The following GPR141 variants were observed in gnomAD, a reference collection of about 807,000 sequenced individuals.
GPR141 encodes probable G protein-coupled receptor 141.
A neutral mutation model predicts 6.8 loss-of-function variants in GPR141; 6 were observed. The ratio of observed to expected loss-of-function variants is 0.88; its 90% CI spans 0.48 to 1.74. The LOEUF (loss-of-function observed/expected upper bound fraction) is 1.74. Ranked by LOEUF, GPR141 falls within the 40% of genes most tolerant of loss-of-function variation. The pLI is 0.01. For missense variants in GPR141, 372 were observed against 372.9 expected, an observed-to-expected ratio of 1.00 and a Z score of 0.02; for synonymous variants, 140 against 142.3, an observed-to-expected ratio of 0.98 and a Z score of 0.11.
chr7:37,701,898 C>T (rs1015487107), intron 2 of GPR141, among the ~76,000 whole-genome samples: 1 of 152,152 alleles, frequency 6.6e-6, no homozygotes, highest in Non-Finnish European at 1.5e-5. Flanking sequence ...CTTTTTTCCT[C>T]TCAAACTTAT....
At position 37,742,076 on chromosome 7, in the gene GPR141, T is replaced by G. The variant is rs1166243082; in HGVS notation, c.*765T>G. On this transcript the variant is annotated 3_prime_UTR_variant, in exon 3 of 3. Coordinates refer to ENST00000334425, the MANE Select transcript of GPR141 (RefSeq NM_001381946.1). ...TAATTTAGAGACTATCCCTGACTAA[T>G]GTGCTGGTAGGCATTAAAATGAGTT... 6.6e-6 allele frequency among the ~76,000 whole-genome samples: 1 copy of G among 152,152 alleles called. No individual in the cohort carries two copies. Among genetic ancestry groups the G allele is most frequent in the Non-Finnish European group, 1.5e-5 (1 of 68,020 alleles).
rs1327157319 is a variant in GPR141 at position 37,687,748 on chromosome 7, C to T, written c.-15+2165C>T. Among the ~76,000 whole-genome samples the T allele has an allele frequency of 2.0e-5, 3 of 152,080 alleles. No individual in the cohort carries two copies. In the East Asian group the frequency reaches 5.8e-4, roughly 29 times the overall value. ...TGTTCTACAAATTCAAGACTGGTAG[C>T]ACACACTCCTCTCGCTTCGACTGCT... On this transcript the variant is annotated intron_variant, in intron 2 of 2. Transcript: ENST00000334425.
chr7:37,728,957 A>G (rs931992964), intron 2 of GPR141, among the ~76,000 whole-genome samples: 1 of 152,178 alleles, frequency 6.6e-6, no homozygotes, highest in African/African-American at 2.4e-5. Context: ...GAAATCATTG[A>G]TGATGCAATT....
At chr7:37,703,614 T>C (rs1480214025) in intron 2 of GPR141, among the ~76,000 whole-genome samples, 1 of 152,186 alleles carries the variant, frequency 6.6e-6, no homozygotes. Flanking sequence ...CTTTAACTCT[T>C]AGTTGGTATA....
intron 2 of GPR141, among the ~76,000 whole-genome samples, chr7:37,693,727 G>T (rs58086680): frequency 5.9e-4 from 89 of 151,944 alleles, no homozygotes; most frequent in Middle Eastern, 3.4e-3. Context: ...TCTACTCCCT[G>T]GGAAGAGGGG....
chr7:37,694,154 A>G (rs1312883518), intron 2 of GPR141, among the ~76,000 whole-genome samples: 2 of 152,228 alleles, frequency 1.3e-5, no homozygotes, highest in African/African-American at 4.8e-5. Context: ...CTGGGATGTC[A>G]GGCATAGCTT....
Position 37,700,781 on chromosome 7 carries a change from A to C in GPR141, c.-15+15198A>C, listed in dbSNP as rs532773425. On this transcript the variant is annotated intron_variant, in intron 2 of 2. Transcript: ENST00000334425. Reference sequence around the variant, plus strand: ...ATATTTCTATGGATAAATATGGAAGATATCCCAACATTATCACAAGTATAT... The same window carrying C: ...ATATTTCTATGGATAAATATGGAAGCTATCCCAACATTATCACAAGTATAT... Among the ~76,000 whole-genome samples the C allele has an allele frequency of 2.3e-4, 35 of 152,326 alleles. No homozygotes were observed. In the South Asian group the frequency reaches 7.2e-3, roughly 32 times the overall value.
At chr7:37,704,042 CT>C (rs1346684796) in intron 2 of GPR141, among the ~76,000 whole-genome samples, 2 of 152,134 alleles carry the variant, frequency 1.3e-5, no homozygotes, top group Non-Finnish European at 2.9e-5. Flanking sequence ...CCCAGAAACC[CT>C]GGGCCATTTC....
chr7:37,741,422 C>G lies in GPR141; in HGVS notation c.*111C>G. ...TGATCAAAACCATGCCTTGATGTAC[C>G]CAAAACAAAAGGACTATAAAATGCA... On this transcript the variant is annotated 3_prime_UTR_variant, in exon 3 of 3. Coordinates refer to ENST00000334425, the MANE Select transcript of GPR141 (RefSeq NM_001381946.1). 1 of 798,184 alleles carries G rather than the reference C, an allele frequency of 1.3e-6. No homozygotes were observed. The highest frequency in any genetic ancestry group is 1.9e-5 in the South Asian group (1 of 52,664). 49.4% of individuals were successfully genotyped at this position (798,184 alleles called of 1,614,324 possible).
intron 2 of GPR141, among the ~76,000 whole-genome samples, chr7:37,714,662 A>G (rs1299050281): frequency 9.2e-5 from 14 of 152,190 alleles, no homozygotes; most frequent in Non-Finnish European, 1.9e-4. Flanking sequence ...GCCAATTGAA[A>G]TTTCTTCCCT....
At chr7:37,696,739 T>A (rs1810032636) in intron 2 of GPR141, among the ~76,000 whole-genome samples, 1 of 152,138 alleles carries the variant, frequency 6.6e-6, no homozygotes, top group Non-Finnish European at 1.5e-5. Context: ...GTCTTTATGC[T>A]ATGTGATGGC....
intron 2 of GPR141, among the ~76,000 whole-genome samples, chr7:37,717,583 C>G (rs73344297): frequency 3.3e-5 from 5 of 152,242 alleles, no homozygotes; most frequent in South Asian, 2.1e-4. Context: ...TCTCTCACCC[C>G]CCTTGTTGTG....
chr7:37,687,053 T>C (rs527270100), intron 2 of GPR141, among the ~76,000 whole-genome samples: 2 of 152,202 alleles, frequency 1.3e-5, no homozygotes, highest in African/African-American at 4.8e-5. Context: ...AAGTCAAGTC[T>C]GGTAGAATTT....
In GPR141 at chr7:37,740,567, G is replaced by T; in HGVS notation, c.174G>T (p.Leu58Phe). 4 of 1,614,084 alleles carry T rather than the reference G, an allele frequency of 2.5e-6. No individual in the cohort carries two copies. The highest frequency in any genetic ancestry group is 3.4e-6 in the Non-Finnish European group (4 of 1,179,982). ...TGACCACCATGGCGGTCATTAACTT[G>T]GTGGTGGTCCACAGCGTTTTTCTGC... ...RSVTTMAVIN[L>F]VVVHSVFLLT... Residue 58 changes from leucine to phenylalanine, a missense_variant, in exon 3 of 3, where the codon TTG becomes TTT. Physicochemically the swap from Leu to Phe is conservative, Grantham distance 22. Coordinates refer to ENST00000334425, the MANE Select transcript of GPR141 (RefSeq NM_001381946.1).
Position 37,740,424 on chromosome 7 carries a change from T to C in GPR141, c.31T>C (p.Ser11Pro), listed in dbSNP as rs767082752. ...TGGCCACAATACCTCCAGGAATTCC[T>C]CTTGCGATCCTATAGTGACACCCCA... MPGHNTSRNS[S>P]CDPIVTPHLI... The change falls in exon 3 of 3, where the codon TCT becomes CCT. Residue 11 changes from serine (S) to proline (P), a missense_variant. Transcript: ENST00000334425. The C allele has an allele frequency of 5.6e-6, 9 of 1,605,602 alleles. No homozygotes were observed. Among genetic ancestry groups the C allele is most frequent in the Non-Finnish European group, 7.7e-6 (9 of 1,173,780 alleles).
chr7:37,712,386 G>T (rs1810841479), intron 2 of GPR141, among the ~76,000 whole-genome samples: 1 of 152,158 alleles, frequency 6.6e-6, no homozygotes, highest in Non-Finnish European at 1.5e-5. Context: ...TATGTCTGAG[G>T]GCTGGGTGGG....
At chr7:37,721,730 G>A (rs898068821) in intron 2 of GPR141, among the ~76,000 whole-genome samples, 1 of 152,148 alleles carries the variant, frequency 6.6e-6, no homozygotes, top group South Asian at 2.1e-4. Flanking sequence ...ATTTCTCCAC[G>A]TCTCTGTTTG....
intron 2 of GPR141, among the ~76,000 whole-genome samples, chr7:37,724,207 A>G (rs550377950): frequency 6.6e-6 from 1 of 152,288 alleles, no homozygotes; most frequent in South Asian, 2.1e-4. Flanking sequence ...TCAAATCCAG[A>G]AGCCTGCTCT....
chr7:37,706,242 C>G (rs1292271537), intron 2 of GPR141, among the ~76,000 whole-genome samples: 2 of 152,136 alleles, frequency 1.3e-5, no homozygotes, highest in African/African-American at 4.8e-5. Context: ...GCCAGGGACT[C>G]TACGGATGCA....
Sources: allele counts gnomAD v4.1 joint callset (sites outside exome capture counted in the v4.1 genomes callset), GRCh38; gene constraint gnomAD v4.1.1; transcripts MANE v1.5; gene names NCBI Gene and HGNC (gene_info 2026-07-23, HGNC 2026-07-21).